The following TENM2 variants were observed in gnomAD, a reference collection of about 807,000 sequenced individuals.
TENM2 encodes the protein teneurin-2.
A neutral mutation model predicts 245.2 loss-of-function variants in TENM2; 52 were observed. That is an observed-to-expected ratio of 0.21 (90% CI 0.17 to 0.27). TENM2 has a LOEUF of 0.27. Ranked by LOEUF, TENM2 falls within the 10% of genes least tolerant of loss-of-function variation. The probability of loss-of-function intolerance (pLI) is 1.00; values close to 1 mark genes in which losing one functional copy is unlikely to be tolerated. For missense variants in TENM2, 3,046 were observed against 3,666.8 expected, an observed-to-expected ratio of 0.83 and a Z score of 4.37; for synonymous variants, 1,363 against 1,438.9, an observed-to-expected ratio of 0.95 and a Z score of 1.19.
chr5:168,208,455 G>A (rs1203516588), intron 19 of TENM2, among the ~76,000 whole-genome samples: 2 of 152,206 alleles, frequency 1.3e-5, no homozygotes, highest in African/African-American at 4.8e-5. Context: ...GTACCGGGCG[G>A]GGGGAAAGTG....
intron 1 of TENM2, among the ~76,000 whole-genome samples, chr5:167,289,515 C>A (rs1253557577): frequency 6.6e-6 from 1 of 152,158 alleles, no homozygotes; most frequent in Admixed American, 6.5e-5. Flanking sequence ...TTCTCTCAAT[C>A]AGTTAAAGCA....
chr5:168,020,695 G>A (rs1786068514), intron 5 of TENM2, among the ~76,000 whole-genome samples: 1 of 152,188 alleles, frequency 6.6e-6, no homozygotes, highest in Admixed American at 6.5e-5. Flanking sequence ...TGATATGTTG[G>A]CTTTTCTGAA....
chr5:167,022,161 A>T, the TENM2 span, among the ~76,000 whole-genome samples: 1 of 152,202 alleles, frequency 6.6e-6, no homozygotes, highest in Admixed American at 6.5e-5. Flanking sequence ...AGAAGAGGAA[A>T]TTCTTTAACA....
chr5:167,851,437 A>G (rs1302826286), intron 2 of TENM2, among the ~76,000 whole-genome samples: 3 of 152,208 alleles, frequency 2.0e-5, no homozygotes, highest in African/African-American at 7.2e-5. Context: ...TCACGGTTTC[A>G]TGCACTATTG....
At chr5:168,196,691 A>G (rs566444733) in intron 15 of TENM2, among the ~76,000 whole-genome samples, 2 of 152,124 alleles carry the variant, frequency 1.3e-5, no homozygotes, top group Non-Finnish European at 2.9e-5. Flanking sequence ...CGAACTCCTA[A>G]CCTCAAGTGA....
chr5:167,806,825 A>T (rs941068031), intron 2 of TENM2, among the ~76,000 whole-genome samples: 1 of 152,074 alleles, frequency 6.6e-6, no homozygotes, highest in East Asian at 1.9e-4. Flanking sequence ...AGAGTTCAGG[A>T]AAGTTCCCAA....
chr5:167,027,246 A>G, the TENM2 span, among the ~76,000 whole-genome samples: 9 of 152,110 alleles, frequency 5.9e-5, no homozygotes, highest in African/African-American at 2.2e-4. Flanking sequence ...AAGTTTTGAG[A>G]GTTACTTTTG....
At chr5:167,996,583 T>C (rs1050720306) in intron 5 of TENM2, among the ~76,000 whole-genome samples, 2 of 152,222 alleles carry the variant, frequency 1.3e-5, no homozygotes, top group African/African-American at 4.8e-5. Context: ...TTCTGAATCA[T>C]GTAACCAAAG....
chr5:167,308,760 C>G (rs188008020), intron 1 of TENM2, among the ~76,000 whole-genome samples: 1 of 152,168 alleles, frequency 6.6e-6, no homozygotes, highest in South Asian at 2.1e-4. Flanking sequence ...TCGTGGTGTT[C>G]TCTCTCTAAG....
intron 2 of TENM2, among the ~76,000 whole-genome samples, chr5:167,712,036 C>G (rs1758945030): frequency 6.6e-6 from 1 of 152,168 alleles, no homozygotes; most frequent in Admixed American, 6.5e-5. Flanking sequence ...GTTAGCAGAG[C>G]ATTCATCATC....
At chr5:167,279,972 C>T (rs1021736148), upstream of TENM2, among the ~76,000 whole-genome samples, 2 of 152,076 alleles carry the variant, frequency 1.3e-5, no homozygotes, top group Admixed American at 6.6e-5. Context: ...TTTATTGAAA[C>T]CTGGACATTT....
the TENM2 span, among the ~76,000 whole-genome samples, chr5:167,044,036 A>AGAAGGAAGGAAG: frequency 2.3e-4 from 29 of 128,596 alleles, 1 homozygote; most frequent in South Asian, 2.0e-3. Context: ...TAGTAAGGAC[A>AGAAGGAAGGAAG]GAAGGAAGGA....
At chr5:167,036,123 T>G in the TENM2 span, among the ~76,000 whole-genome samples, 1 of 152,140 alleles carries the variant, frequency 6.6e-6, no homozygotes, top group African/African-American at 2.4e-5. Flanking sequence ...GAAGATCAGT[T>G]TTGGGTATGA....
chr5:167,683,442 A>G (rs1756871313), intron 2 of TENM2, among the ~76,000 whole-genome samples: 1 of 152,186 alleles, frequency 6.6e-6, no homozygotes, highest in Admixed American at 6.6e-5. Context: ...AAATAGAATA[A>G]TGTCCACTGC....
At chr5:168,115,372 G>GGAAGGAAA (rs2152326656) in intron 9 of TENM2, among the ~76,000 whole-genome samples, 1 of 85,796 alleles carries the variant, frequency 1.2e-5, no homozygotes, top group Non-Finnish European at 2.4e-5. Flanking sequence ...AAGGAAGGAA[G>GGAAGGAAA]GAAGGAAGGA....
intron 2 of TENM2, among the ~76,000 whole-genome samples, chr5:167,586,900 T>G (rs984532126): frequency 6.6e-6 from 1 of 152,242 alleles, no homozygotes; most frequent in Non-Finnish European, 1.5e-5. Flanking sequence ...TAACTTGGGT[T>G]TATTTTTCAA....
chr5:167,762,853 C>T (rs568568090), intron 2 of TENM2, among the ~76,000 whole-genome samples: 43 of 152,368 alleles, frequency 2.8e-4, no homozygotes, highest in African/African-American at 1.0e-3. Context: ...TACAAGTCCT[C>T]TACATCTTCC....
chr5:168,002,263 A>C (rs1465132601), intron 5 of TENM2, among the ~76,000 whole-genome samples: 1 of 152,168 alleles, frequency 6.6e-6, no homozygotes, highest in Admixed American at 6.5e-5. Flanking sequence ...ATTTGTGGGG[A>C]GATTCGTGCA....
At position 168,169,027 on chromosome 5, in the gene TENM2, GTTATTA is replaced by G. The variant is rs571142141; in HGVS notation, c.2569+6280_2569+6285del. 2.2e-4 allele frequency among the ~76,000 whole-genome samples: 33 copies of G among 152,212 alleles called. No individual in the cohort carries two copies. In the South Asian group the frequency reaches 6.2e-3, roughly 29 times the overall value. On this transcript the variant is annotated intron_variant, in intron 13 of 28. Coordinates refer to ENST00000518659, the Ensembl canonical transcript of TENM2. Reference sequence around the variant, plus strand: ...ATCTACAAAGATGGATAAACACATTGTTATTATTATTATTACAGTCCAGCATGTGAG... The same window carrying G: ...ATCTACAAAGATGGATAAACACATTGTTATTATTACAGTCCAGCATGTGAG...
Sources: allele counts gnomAD v4.1 joint callset (sites outside exome capture counted in the v4.1 genomes callset), GRCh38; gene constraint gnomAD v4.1.1; transcripts MANE v1.5; gene names NCBI Gene and HGNC (gene_info 2026-07-23, HGNC 2026-07-21).